The following PKD2 variants were observed in gnomAD, a reference collection of about 807,000 sequenced individuals.
PKD2 encodes the protein polycystin-2.
PKD2 carries 48 observed loss-of-function variants against 105.9 expected under a neutral mutation model. The ratio of observed to expected loss-of-function variants is 0.45; its 90% CI spans 0.36 to 0.58. The LOEUF is 0.58. Ranked by LOEUF, PKD2 falls within the 20% of genes least tolerant of loss-of-function variation. PKD2 has a pLI of 0.00. For missense variants in PKD2, 1,078 were observed against 1,255.3 expected (o/e 0.86, Z 2.13); for synonymous variants, 464 against 481.1 (o/e 0.96, Z 0.46).
chr4:88,066,900 C>G (rs1560627392), intron 12 of PKD2, among the ~76,000 whole-genome samples: 1 of 152,148 alleles, frequency 6.6e-6, no homozygotes, highest in South Asian at 2.1e-4. Flanking sequence ...ACAGTGGTTT[C>G]TAAATGCCAC....
At chr4:88,060,425 A>T (rs934676726) in intron 9 of PKD2, among the ~76,000 whole-genome samples, 1 of 141,336 alleles carries the variant, frequency 7.1e-6, no homozygotes, top group Non-Finnish European at 1.5e-5. Flanking sequence ...ATAAGTATTT[A>T]CTAAGCCACT....
Position 88,038,322 on chromosome 4 carries a change from C to A in PKD2, c.915C>A (p.Asn305Lys), listed in dbSNP as rs1033622858. 4 of 1,613,842 alleles carry A rather than the reference C, an allele frequency of 2.5e-6. No homozygotes were observed. The Admixed American group carries it at 5.0e-5, about 20-fold the overall frequency. Residue 305 changes from asparagine (N) to lysine (K), a missense_variant, in exon 4 of 15, where the codon AAC becomes AAA. This residue lies in a region of PKD2 where 868 missense variants were observed against 1,067.3 expected (regional missense o/e 0.81). Transcript: ENST00000237596. ...MQPSNQTEAD[N>K]RSFIFYENLL... The stretch of plus-strand genomic sequence containing the variant: ...CCAGCAACCAGACTGAAGCTGACAA[C>A]CGAAGTTTCATCTTCTATGAGAACC...
At chr4:88,028,471 A>G (rs2110097559) in intron 2 of PKD2, among the ~76,000 whole-genome samples, 1 of 152,388 alleles carries the variant, frequency 6.6e-6, no homozygotes. Flanking sequence ...GCCTTCAACT[A>G]TGACTGGAGG....
intron 1 of PKD2, among the ~76,000 whole-genome samples, chr4:88,009,716 A>G (rs756117875): frequency 3.9e-5 from 6 of 152,260 alleles, no homozygotes; most frequent in Non-Finnish European, 8.8e-5. Flanking sequence ...AACCTGTGTG[A>G]GTAAATTAAT....
In PKD2 at chr4:88,075,825, T is replaced by C. The variant is rs1045137625; in HGVS notation, c.*131T>C. 8 of 754,862 alleles carry C rather than the reference T, an allele frequency of 1.1e-5. No individual in the cohort carries two copies. The highest frequency in any genetic ancestry group is 1.4e-5 in the Non-Finnish European group (6 of 423,630). 46.8% of individuals were successfully genotyped at this position (754,862 alleles called of 1,614,324 possible). On this transcript the variant is annotated 3_prime_UTR_variant, in exon 15 of 15. Coordinates refer to ENST00000237596, the MANE Select transcript of PKD2 (RefSeq NM_000297.4). ...TCTTTGTGACCGATTGCTAATCTTC[T>C]GCACTTTAATTTATTTTATATAAAC...
At chr4:88,059,365 T>C (rs964396650) in intron 9 of PKD2, among the ~76,000 whole-genome samples, 1 of 152,184 alleles carries the variant, frequency 6.6e-6, no homozygotes, top group African/African-American at 2.4e-5. Flanking sequence ...TACTCTACCA[T>C]TGATAGTACT....
intron 10 of PKD2, 101 bp from the exon 11 acceptor site, chr4:88,065,273 T>G (rs1720748744): frequency 9.9e-7 from 1 of 1,012,328 alleles, no homozygotes; most frequent in African/African-American, 1.6e-5. Flanking sequence ...ATGGCCAATG[T>G]ACACCAGGTT....
rs1456921328 is a variant in PKD2, at chr4:88,043,728, T to C, written c.1319+271T>C. On this transcript the variant is annotated intron_variant, in intron 5 of 14. Coordinates refer to ENST00000237596, the MANE Select transcript of PKD2 (RefSeq NM_000297.4). ...TGCTGGAACCTTTCCAGAAAAAGTA[T>C]TGTGTTTTTCTAACATCTGTCTTTA... is the stretch of plus-strand genomic sequence containing the variant. Among the ~76,000 whole-genome samples, 4 of 152,178 alleles carry C rather than the reference T, an allele frequency of 2.6e-5. No individual in the cohort carries two copies. The South Asian group carries it at 6.2e-4, about 24-fold the overall frequency.
At chr4:88,048,324 A>G (rs1560615135) in intron 6 of PKD2, among the ~76,000 whole-genome samples, 1 of 152,174 alleles carries the variant, frequency 6.6e-6, no homozygotes, top group Non-Finnish European at 1.5e-5. Context: ...GAGTATTTAG[A>G]TCAAGTCATT....
intron 2 of PKD2, among the ~76,000 whole-genome samples, chr4:88,023,420 A>G (rs1483360244): frequency 1.3e-5 from 2 of 152,174 alleles, no homozygotes; most frequent in South Asian, 2.1e-4. Flanking sequence ...CACCCCCATG[A>G]TCTGATCACC....
intron 2 of PKD2, among the ~76,000 whole-genome samples, chr4:88,026,291 A>G (rs1726955749): frequency 6.6e-6 from 1 of 152,216 alleles, no homozygotes; most frequent in South Asian, 2.1e-4. Flanking sequence ...TGGGAACTGG[A>G]GTAAACGTCA....
intron 1 of PKD2, among the ~76,000 whole-genome samples, chr4:88,017,593 A>G (rs1262793122): frequency 6.6e-6 from 1 of 152,092 alleles, no homozygotes; most frequent in African/African-American, 2.4e-5. Flanking sequence ...TATTTTTAGT[A>G]GAGACAGGGT....
At chr4:88,016,719 G>A (rs1726574071) in intron 1 of PKD2, among the ~76,000 whole-genome samples, 2 of 152,170 alleles carry the variant, frequency 1.3e-5, no homozygotes, top group South Asian at 4.1e-4. Context: ...CCAGCACTTT[G>A]AGAGGCCAAG....
At chr4:88,036,070 T>C (rs1317192402) in intron 2 of PKD2, 150 bp from the exon 3 acceptor site, 7 of 1,104,208 alleles carry the variant, frequency 6.3e-6, no homozygotes, top group African/African-American at 1.5e-5. Context: ...AGAAGAATGA[T>C]AGGGGAAAGG....
At chr4:88,065,642 A>G in intron 11 of PKD2, 120 bp from the exon 12 acceptor site, 1 of 1,180,688 alleles carries the variant, frequency 8.5e-7, no homozygotes, top group Non-Finnish European at 1.3e-6. Context: ...ACATGTTATA[A>G]GAGGAAAACT....
intron 2 of PKD2, among the ~76,000 whole-genome samples, chr4:88,026,550 G>C (rs1175245979): frequency 6.6e-6 from 1 of 152,216 alleles, no homozygotes; most frequent in African/African-American, 2.4e-5. Flanking sequence ...GGAGTTTGCA[G>C]CCTGACCATG....
At chr4:88,066,505 G>T (rs1376461254) in intron 12 of PKD2, among the ~76,000 whole-genome samples, 2 of 151,934 alleles carry the variant, frequency 1.3e-5, no homozygotes, top group Admixed American at 1.3e-4. Context: ...AGGACTACAG[G>T]CACATGCCAT....
intron 1 of PKD2, among the ~76,000 whole-genome samples, chr4:88,008,682 T>C (rs1001331159): frequency 1.3e-5 from 2 of 152,138 alleles, no homozygotes; most frequent in African/African-American, 4.8e-5. Context: ...CTTGTGTAAC[T>C]GATGGTAGTT....
chr4:88,027,139 C>T (rs919891413), intron 2 of PKD2, among the ~76,000 whole-genome samples: 1 of 152,204 alleles, frequency 6.6e-6, no homozygotes, highest in African/African-American at 2.4e-5. Flanking sequence ...AAAGGACCAC[C>T]ATCCTCCAGA....
Sources: gnomAD v4.1 joint callset for allele counts (sites outside exome capture counted in the v4.1 genomes callset) on GRCh38, gnomAD v4.1.1 for gene constraint, gnomAD v4.1.1 regional missense constraint, MANE v1.5 for transcripts, NCBI Gene and HGNC (gene_info 2026-07-23, HGNC 2026-07-21) for gene names.